The following OR1F1 variants were observed in gnomAD, a reference collection of about 807,000 sequenced individuals.
OR1F1 encodes the protein olfactory receptor 1F1.
For missense variants in OR1F1, 493 were observed against 376.3 expected (o/e 1.31, Z -2.57); for synonymous variants, 184 against 156.7 (o/e 1.17, Z -1.30).
exon 1 of OR1F1, chr16:3,204,759 C>A (rs746998598): frequency 6.2e-7 from 1 of 1,614,160 alleles, no homozygotes; most frequent in Non-Finnish European, 8.5e-7. Context: ...TCTGTGCAGA[C>A]AATGCCATCA....
At chr16:3,198,587 G>GTGGC in the OR1F1 span, among the ~76,000 whole-genome samples, 3 of 152,164 alleles carry the variant, frequency 2.0e-5, no homozygotes. Context: ...CAGCTGGCAG[G>GTGGC]AGATGAAACA....
downstream of OR1F1, among the ~76,000 whole-genome samples, chr16:3,206,317 T>A (rs919090588): frequency 6.6e-6 from 1 of 152,224 alleles, no homozygotes; most frequent in African/African-American, 2.4e-5. Flanking sequence ...CGTGCACAGC[T>A]GAACATAGAC....
the OR1F1 span, among the ~76,000 whole-genome samples, chr16:3,192,220 T>C: frequency 1.3e-5 from 2 of 152,130 alleles, no homozygotes; most frequent in African/African-American, 4.8e-5. Context: ...CCACGCCCGA[T>C]TAATTTTTTG....
At chr16:3,193,473 G>T in the OR1F1 span, among the ~76,000 whole-genome samples, 1,538 of 152,386 alleles carry the variant, frequency 0.01, 23 homozygotes, top group African/African-American at 0.034. Flanking sequence ...AACCACGCGG[G>T]AGAGGATAGC....
chr16:3,204,402 C>G (rs1488773721), exon 1 of OR1F1: 2 of 1,613,988 alleles, frequency 1.2e-6, no homozygotes, highest in African/African-American at 2.7e-5. Context: ...TAAGCATAGA[C>G]TCCTGCCTGC....
the OR1F1 span, among the ~76,000 whole-genome samples, chr16:3,189,050 A>C: frequency 6.6e-6 from 1 of 152,160 alleles, no homozygotes; most frequent in Non-Finnish European, 1.5e-5. Flanking sequence ...AGAGACTCTC[A>C]GCGTCAGCCT....
chr16:3,203,786 A>G (rs924663975), upstream of OR1F1, among the ~76,000 whole-genome samples: 3 of 152,174 alleles, frequency 2.0e-5, no homozygotes, highest in African/African-American at 7.2e-5. Context: ...AAAGAGTCAC[A>G]TCAGTGGGAC....
chr16:3,192,053 A>C, the OR1F1 span, among the ~76,000 whole-genome samples: 2 of 151,978 alleles, frequency 1.3e-5, no homozygotes, highest in African/African-American at 4.8e-5. Flanking sequence ...CAAATCCCGG[A>C]CGAGCCCCTC....
chr16:3,205,314 T>G, downstream of OR1F1: 1 of 681,526 alleles, frequency 1.5e-6, no homozygotes, highest in Non-Finnish European at 2.4e-6. Context: ...TAAGTTAAAC[T>G]ATTAATTATA....
At chr16:3,198,232 G>T in the OR1F1 span, among the ~76,000 whole-genome samples, 1 of 152,086 alleles carries the variant, frequency 6.6e-6, no homozygotes, top group East Asian at 1.9e-4. Flanking sequence ...CCCCAAGTAT[G>T]CAGGGTGAGT....
the OR1F1 span, among the ~76,000 whole-genome samples, chr16:3,198,353 A>G: frequency 6.6e-6 from 1 of 151,978 alleles, no homozygotes; most frequent in African/African-American, 2.4e-5. Flanking sequence ...GGCACAAAAT[A>G]GCTGGTGTGC....
upstream of OR1F1, among the ~76,000 whole-genome samples, chr16:3,202,779 C>G (rs7191272): frequency 6.6e-6 from 1 of 151,686 alleles, no homozygotes; most frequent in Non-Finnish European, 1.5e-5. Context: ...TTAAGAGTCA[C>G]GAGATATTTA....
At chr16:3,193,928 C>T in the OR1F1 span, among the ~76,000 whole-genome samples, 1 of 152,112 alleles carries the variant, frequency 6.6e-6, no homozygotes, top group Non-Finnish European at 1.5e-5. Context: ...GCCCCAGTGG[C>T]CTGATGGATA....
At chr16:3,203,602 A>G (rs1448793433), upstream of OR1F1, among the ~76,000 whole-genome samples, 1 of 152,178 alleles carries the variant, frequency 6.6e-6, no homozygotes, top group African/African-American at 2.4e-5. Context: ...CGTCTCTACT[A>G]AAAATACAAA....
chr16:3,204,399 A>C (rs143244133), exon 1 of OR1F1: 1 of 1,614,084 alleles, frequency 6.2e-7, no homozygotes. Context: ...CCGTAAGCAT[A>C]GACTCCTGCC....
chr16:3,192,604 A>T, the OR1F1 span, among the ~76,000 whole-genome samples: 1 of 152,184 alleles, frequency 6.6e-6, no homozygotes, highest in Non-Finnish European at 1.5e-5. Flanking sequence ...GTCACAGCGG[A>T]TTCCAGGGGT....
exon 1 of OR1F1, chr16:3,204,740 C>G (rs1457346328): frequency 6.2e-7 from 1 of 1,614,130 alleles, no homozygotes; most frequent in Admixed American, 1.7e-5. Context: ...CTGATGGCTC[C>G]ACTCTCATTC....
chr16:3,205,300 A>T (rs539213260), downstream of OR1F1: 15 of 724,010 alleles, frequency 2.1e-5, no homozygotes, highest in South Asian at 2.6e-4. Flanking sequence ...CTTAGTAATT[A>T]TACTAAGTTA....
chr16:3,205,254 G>C (rs1958191929), downstream of OR1F1: 1 of 1,095,068 alleles, frequency 9.1e-7, no homozygotes, highest in Non-Finnish European at 1.3e-6. Flanking sequence ...TAATGCAGTA[G>C]TTGTTTCATT....
Sources: gnomAD v4.1 joint callset for allele counts (sites outside exome capture counted in the v4.1 genomes callset) on GRCh38, gnomAD v4.1.1 for gene constraint, MANE v1.5 for transcripts, NCBI Gene and HGNC (gene_info 2026-07-23, HGNC 2026-07-21) for gene names.